Variants in CHST8 observed in about 807,000 individuals in gnomAD.
CHST8 encodes carbohydrate sulfotransferase 8.
Under a neutral mutation model 15.0 loss-of-function variants are expected in CHST8, and 10 were observed. The observed-to-expected ratio is 0.67, with a 90% CI of 0.41 to 1.13. CHST8 has a LOEUF of 1.13. Among genes scored for constraint, CHST8 ranks in the 50% most tolerant of loss-of-function variants. The probability of loss-of-function intolerance (pLI) is 0.00; values close to 1 mark genes in which losing one functional copy is unlikely to be tolerated. For synonymous variants in CHST8, 259 were observed against 256.6 expected (o/e 1.01, Z -0.09); for missense variants, 634 against 608.2 (o/e 1.04, Z -0.45).
At chr19:33,768,099 C>G (rs917391383) in intron 3 of CHST8, among the ~76,000 whole-genome samples, 1 of 152,186 alleles carries the variant, frequency 6.6e-6, no homozygotes, top group Admixed American at 6.5e-5. Context: ...GTGCAGACCC[C>G]TGCCCCAGGA....
At chr19:33,671,879 T>C (rs988619751) in intron 2 of CHST8, among the ~76,000 whole-genome samples, 1 of 152,014 alleles carries the variant, frequency 6.6e-6, no homozygotes, top group African/African-American at 2.4e-5. Flanking sequence ...TAGGTGCTCA[T>C]TAAATATTTA....
intron 1 of CHST8, among the ~76,000 whole-genome samples, chr19:33,659,596 G>A (rs1443271084): frequency 6.6e-6 from 1 of 152,098 alleles, no homozygotes; most frequent in East Asian, 1.9e-4. Flanking sequence ...TTGGGAGGCC[G>A]AGGTGGGAGG....
intron 1 of CHST8, among the ~76,000 whole-genome samples, chr19:33,650,387 A>G: frequency 6.6e-6 from 1 of 152,042 alleles, no homozygotes; most frequent in Non-Finnish European, 1.5e-5. Context: ...GAGACTATCT[A>G]TTCAGATCCT....
chr19:33,773,156 A>G lies in CHST8; in HGVS notation c.*93A>G. ...TCCCTGGCTCCTCATCCTGGGAGCA[A>G]CAGGGCTCTGAGGACGTGAGGAGCC... On this transcript the variant is annotated 3_prime_UTR_variant, in exon 5 of 5. Transcript: ENST00000650847. The G allele has an allele frequency of 1.5e-6, 2 of 1,377,676 alleles. No homozygotes were observed. Among genetic ancestry groups the G allele is most frequent in the Non-Finnish European group, 1.9e-6 (2 of 1,034,234 alleles). 85.3% of individuals were successfully genotyped at this position (1,377,676 alleles called of 1,614,324 possible). A position where few individuals can be genotyped will look rare whatever the true frequency, so the allele number is the denominator to read the frequency against.
intron 1 of CHST8, among the ~76,000 whole-genome samples, chr19:33,640,676 T>C (rs1972272230): frequency 6.6e-6 from 1 of 152,246 alleles, no homozygotes; most frequent in Non-Finnish European, 1.5e-5. Context: ...TCGGAATTAA[T>C]GTTCTGTTGC....
At chr19:33,719,681 G>C (rs960755284) in intron 3 of CHST8, among the ~76,000 whole-genome samples, 2 of 151,738 alleles carry the variant, frequency 1.3e-5, no homozygotes, top group African/African-American at 2.4e-5. Flanking sequence ...GGCTGTCTGG[G>C]TCCAGGGAGC....
chr19:33,655,296 G>C (rs7247957), intron 1 of CHST8, among the ~76,000 whole-genome samples: 152,336 of 152,336 alleles, frequency 1, 76,168 homozygotes, highest in Non-Finnish European at 1. Context: ...CTCAGCCTCC[G>C]AAAGTGCTAG....
intron 3 of CHST8, among the ~76,000 whole-genome samples, chr19:33,697,555 T>G (rs1359278879): frequency 6.6e-6 from 1 of 152,162 alleles, no homozygotes; most frequent in Non-Finnish European, 1.5e-5. Context: ...AAAACCCCTA[T>G]GAGTGAATTA....
intron 3 of CHST8, among the ~76,000 whole-genome samples, chr19:33,735,132 T>C (rs1188500311): frequency 6.6e-6 from 1 of 152,134 alleles, no homozygotes; most frequent in Non-Finnish European, 1.5e-5. Flanking sequence ...AGGCAATCCC[T>C]GGAAACAGCC....
chr19:33,741,880 A>G (rs1426867120), intron 3 of CHST8, among the ~76,000 whole-genome samples: 1 of 152,070 alleles, frequency 6.6e-6, no homozygotes, highest in Non-Finnish European at 1.5e-5. Flanking sequence ...CAGCTGTCAC[A>G]TCTATCTATT....
At chr19:33,751,616 A>T (rs1194062454) in intron 3 of CHST8, among the ~76,000 whole-genome samples, 1 of 152,116 alleles carries the variant, frequency 6.6e-6, no homozygotes, top group African/African-American at 2.4e-5. Context: ...TGACCGGCCC[A>T]CCGTCCCCGG....
intron 3 of CHST8, among the ~76,000 whole-genome samples, chr19:33,717,468 A>T (rs1973684376): frequency 6.6e-6 from 1 of 151,720 alleles, no homozygotes; most frequent in South Asian, 2.1e-4. Context: ...CTCAAAAAAG[A>T]AAAAAAAAGT....
At chr19:33,694,092 T>TTATA (rs1973150449) in intron 3 of CHST8, among the ~76,000 whole-genome samples, 2 of 20,766 alleles carry the variant, frequency 9.6e-5, no homozygotes, top group African/African-American at 4.1e-4. Context: ...TGTAGTTTAT[T>TTATA]CATATATATA....
chr19:33,739,320 C>T (rs1246773944), intron 3 of CHST8, among the ~76,000 whole-genome samples: 1 of 152,174 alleles, frequency 6.6e-6, no homozygotes, highest in Non-Finnish European at 1.5e-5. Context: ...TCCACTCCCC[C>T]AGCACAACAT....
intron 1 of CHST8, among the ~76,000 whole-genome samples, chr19:33,622,990 G>A (rs1365204829): frequency 6.6e-6 from 1 of 152,124 alleles, no homozygotes. Context: ...GAGCTCTGAC[G>A]GCGGCTGCAA....
At chr19:33,751,016 T>C (rs1288674501) in intron 3 of CHST8, among the ~76,000 whole-genome samples, 1 of 152,012 alleles carries the variant, frequency 6.6e-6, no homozygotes, top group Non-Finnish European at 1.5e-5. Context: ...TTACAAGCTC[T>C]CCTTTTAATA....
At chr19:33,659,577 G>C (rs1972558646) in intron 1 of CHST8, among the ~76,000 whole-genome samples, 1 of 152,148 alleles carries the variant, frequency 6.6e-6, no homozygotes, top group South Asian at 2.1e-4. Flanking sequence ...GCTCACACCT[G>C]TAATCCCTTT....
chr19:33,698,490 A>G (rs898949259), intron 3 of CHST8, among the ~76,000 whole-genome samples: 2 of 152,052 alleles, frequency 1.3e-5, no homozygotes, highest in African/African-American at 2.4e-5. Flanking sequence ...GAGGCAACAA[A>G]TGCAAGGAGA....
chr19:33,696,337 G>A (rs910823968), intron 3 of CHST8, among the ~76,000 whole-genome samples: 7 of 151,916 alleles, frequency 4.6e-5, no homozygotes, highest in South Asian at 2.1e-4. Flanking sequence ...CAACCCCTGC[G>A]TTAGGACCCA....
Sources: gnomAD v4.1 joint callset for allele counts (sites outside exome capture counted in the v4.1 genomes callset) on GRCh38, gnomAD v4.1.1 for gene constraint, MANE v1.5 for transcripts, NCBI Gene and HGNC (gene_info 2026-07-23, HGNC 2026-07-21) for gene names.